ANKS1B: variants seen among roughly 807,000 people sequenced by gnomAD.
ANKS1B encodes the protein ankyrin repeat and sterile alpha motif domain-containing protein 1B.
Under a neutral mutation model 148.3 loss-of-function variants are expected in ANKS1B, and 36 were observed. That is an observed-to-expected ratio of 0.24 (90% confidence interval 0.19 to 0.32). The LOEUF is 0.32. Ranked by LOEUF, ANKS1B falls within the 10% of genes least tolerant of loss-of-function variation. ANKS1B has a pLI of 1.00. For synonymous variants in ANKS1B, 542 were observed against 560.8 expected (o/e 0.97, Z 0.47); for missense variants, 1,157 against 1,542.6 (o/e 0.75, Z 4.19).
rs887663159 is a variant in ANKS1B at position 98,785,243 on chromosome 12, G to A, written c.3343-3106C>T. On this transcript the variant is annotated intron_variant, in intron 22 of 26. Transcript: ENST00000683438. ...CCAGCACTTTGGGAGGCTGAGGTGA[G>A]CAGATCACCAGAGGTCAGGAGTTTG... 3.3e-5 allele frequency among the ~76,000 whole-genome samples: 5 copies of A among 152,330 alleles called. 1 individual carries two copies. Among genetic ancestry groups the A allele is most frequent in the Admixed American group, 6.5e-5 (1 of 15,308 alleles).
rs139331730 is a variant in ANKS1B, at chr12:99,481,069, T to C, written c.1438+23407A>G. 7.9e-5 allele frequency among the ~76,000 whole-genome samples: 12 copies of C among 151,874 alleles called. 1 individual carries two copies. The East Asian group carries it at 2.3e-3, about 29-fold the overall frequency. ...CAATAGCTTTTGAGGTATAAGTGGT[T>C]TTATGTTACACGCATGAATTATATA... On this transcript the variant is annotated intron_variant, in intron 10 of 26. Transcript: ENST00000683438.
chr12:99,971,363 T>A (rs1022896712), intron 1 of ANKS1B, among the ~76,000 whole-genome samples: 17 of 152,138 alleles, frequency 1.1e-4, no homozygotes, highest in Non-Finnish European at 4.4e-5. Context: ...CCAAAGAACA[T>A]CCCTGCAGAA....
At chr12:99,145,199 C>T (rs759202997) in intron 15 of ANKS1B, among the ~76,000 whole-genome samples, 9 of 152,120 alleles carry the variant, frequency 5.9e-5, no homozygotes, top group Non-Finnish European at 1.3e-4. Context: ...TAAGGCTCCT[C>T]AGCAGGGACT....
intron 9 of ANKS1B, among the ~76,000 whole-genome samples, chr12:99,638,317 T>C (rs2098263998): frequency 6.6e-6 from 1 of 151,970 alleles, no homozygotes; most frequent in Non-Finnish European, 1.5e-5. Flanking sequence ...TATGGGGAAG[T>C]TTGGAGCTTC....
chr12:99,831,582 G>A (rs1338071933), intron 1 of ANKS1B, among the ~76,000 whole-genome samples: 1 of 152,080 alleles, frequency 6.6e-6, no homozygotes, highest in Admixed American at 6.6e-5. Context: ...CTTTGCTCTT[G>A]TCAGCTAGAT....
At position 99,040,252 on chromosome 12, in the gene ANKS1B, TTCTC is replaced by T. The variant is rs963115441; in HGVS notation, c.2778+12901_2778+12904del. 7.9e-5 allele frequency among the ~76,000 whole-genome samples: 12 copies of T among 151,966 alleles called. No homozygotes were observed. The East Asian group carries it at 1.4e-3, about 17-fold the overall frequency. ...CACCCTCTCTGTTCTCTCTCACTCT[TTCTC>T]TCTCTCTATGTGCGTGTGCGTGTGT... On this transcript the variant is annotated intron_variant, in intron 17 of 26. Coordinates refer to ENST00000683438, the MANE Select transcript of ANKS1B (RefSeq NM_001352186.2).
chr12:98,873,966 G>A (rs935137232), intron 17 of ANKS1B, among the ~76,000 whole-genome samples: 2 of 152,114 alleles, frequency 1.3e-5, no homozygotes, highest in African/African-American at 4.8e-5. Context: ...GAGGCCTGTC[G>A]GCAAGTTAGG....
At chr12:99,778,539 A>C (rs1425222815) in intron 6 of ANKS1B, among the ~76,000 whole-genome samples, 1 of 151,720 alleles carries the variant, frequency 6.6e-6, no homozygotes, top group African/African-American at 2.4e-5. Flanking sequence ...ATTCAGTGAG[A>C]GTCAAAAGTC....
At chr12:99,441,104 G>A (rs141575924) in intron 11 of ANKS1B, among the ~76,000 whole-genome samples, 87 of 151,642 alleles carry the variant, frequency 5.7e-4, no homozygotes, top group African/African-American at 8.9e-4. Context: ...TTTTTAGAAC[G>A]GTCTTTAATA....
chr12:99,345,705 G>C (rs1476548500), intron 12 of ANKS1B, among the ~76,000 whole-genome samples: 1 of 151,846 alleles, frequency 6.6e-6, no homozygotes, highest in African/African-American at 2.4e-5. Flanking sequence ...GAACATGTAA[G>C]GGAAGAAAGG....
intron 26 of ANKS1B, among the ~76,000 whole-genome samples, chr12:98,750,753 G>C (rs2098064308): frequency 6.6e-6 from 1 of 152,224 alleles, no homozygotes; most frequent in African/African-American, 2.4e-5. Flanking sequence ...CAGAGCCTGT[G>C]GGAGGGAAGG....
In ANKS1B at chr12:99,053,217, T is replaced by A. The variant is rs1460512377; in HGVS notation, c.2718A>T (p.Leu906=). 6.2e-7 allele frequency: 1 copy of A among 1,610,888 alleles called. No individual in the cohort carries two copies. The highest frequency in any genetic ancestry group is 1.7e-5 in the Admixed American group (1 of 59,688). The part of the protein sequence containing the change: ...IELGDYTKAF[L]INGYTSMDLL... Reference sequence around the variant, plus strand: ...GGTCCATCGAAGTGTAGCCATTAATTAGAAAGGCTTTGGTGTAGTCGCCCA... The same window carrying A: ...GGTCCATCGAAGTGTAGCCATTAATAAGAAAGGCTTTGGTGTAGTCGCCCA... The change falls in exon 17 of 27, where the codon CTA becomes CTT. Residue 906 remains leucine (L), a synonymous_variant. Coordinates refer to ENST00000683438, the MANE Select transcript of ANKS1B (RefSeq NM_001352186.2).
At chr12:98,970,285 C>T (rs1597786293) in intron 17 of ANKS1B, among the ~76,000 whole-genome samples, 1 of 152,068 alleles carries the variant, frequency 6.6e-6, no homozygotes, top group Non-Finnish European at 1.5e-5. Context: ...TCCTCCATGA[C>T]ACCTCTTCTT....
At chr12:99,211,718 C>T (rs1315605617) in intron 14 of ANKS1B, among the ~76,000 whole-genome samples, 1 of 152,218 alleles carries the variant, frequency 6.6e-6, no homozygotes, top group Non-Finnish European at 1.5e-5. Flanking sequence ...GAACACATGA[C>T]ATCAAGTGGA....
chr12:99,383,849 C>CAAAAAAAAA (rs1160915276), intron 12 of ANKS1B, among the ~76,000 whole-genome samples: 2 of 77,814 alleles, frequency 2.6e-5, no homozygotes, highest in African/African-American at 9.0e-5. Flanking sequence ...CCCATCTCTA[C>CAAAAAAAAA]AAAAAAAAAA....
At chr12:99,780,055 TCAGA>T (rs1191183352) in intron 5 of ANKS1B, 83 bp from the exon 6 acceptor site, 6 of 977,766 alleles carry the variant, frequency 6.1e-6, no homozygotes, top group Non-Finnish European at 9.5e-6. Context: ...TGCTGTAATT[TCAGA>T]CATATACAGA....
Position 99,890,005 on chromosome 12 carries a change from G to C in ANKS1B, c.135-64616C>G, listed in dbSNP as rs562406200. On this transcript the variant is annotated intron_variant, in intron 1 of 26. Transcript: ENST00000683438. ...GAACTGTCATAGTTGAAAACCACTG[G>C]ACTGGCACATGAGAGCCTGATTTCT... Among the ~76,000 whole-genome samples the C allele has an allele frequency of 2.1e-4, 32 of 152,140 alleles. No individual in the cohort carries two copies. The South Asian group carries it at 6.4e-3, about 31-fold the overall frequency.
At chr12:99,485,686 A>G (rs552053233) in intron 10 of ANKS1B, among the ~76,000 whole-genome samples, 5 of 152,242 alleles carry the variant, frequency 3.3e-5, no homozygotes, top group South Asian at 2.1e-4. Context: ...GTCATTTTCC[A>G]TAATCCCATA....
intron 17 of ANKS1B, among the ~76,000 whole-genome samples, chr12:98,862,604 C>G (rs1257414429): frequency 6.6e-6 from 1 of 151,982 alleles, no homozygotes; most frequent in Admixed American, 6.6e-5. Context: ...TATGTAAAAC[C>G]CTTTGCTCAA....
Sources: gnomAD v4.1 joint callset for allele counts (sites outside exome capture counted in the v4.1 genomes callset) on GRCh38, gnomAD v4.1.1 for gene constraint, MANE v1.5 for transcripts, NCBI Gene and HGNC (gene_info 2026-07-23, HGNC 2026-07-21) for gene names.